The following HDLBP variants were observed in gnomAD, a reference collection of about 807,000 sequenced individuals.
HDLBP encodes high density lipoprotein binding protein.
A neutral mutation model predicts 137.3 loss-of-function variants in HDLBP; 30 were observed. The ratio of observed to expected loss-of-function variants is 0.22; its 90% confidence interval spans 0.16 to 0.30. HDLBP has a LOEUF of 0.30. Ranked by LOEUF, HDLBP falls within the 10% of genes least tolerant of loss-of-function variation. The pLI is 1.00. For missense variants in HDLBP, 1,119 were observed against 1,667.3 expected (o/e 0.67, Z 5.73); for synonymous variants, 606 against 596.0 (o/e 1.02, Z -0.24).
chr2:241,245,387 C>T (rs1009401292), intron 16 of HDLBP, among the ~76,000 whole-genome samples: 2 of 152,138 alleles, frequency 1.3e-5, no homozygotes, highest in Non-Finnish European at 2.9e-5. Flanking sequence ...GGGTTTTGCC[C>T]AGGCTGGTCT....
chr2:241,232,983 A>G (rs1371580417), intron 24 of HDLBP, among the ~76,000 whole-genome samples: 1 of 143,618 alleles, frequency 7.0e-6, no homozygotes, highest in Non-Finnish European at 1.5e-5. Context: ...GCTGGGGAGG[A>G]AGAAGGGGAA....
At chr2:241,315,266 A>C (rs2076008527) in intron 1 of HDLBP, 1 of 151,512 alleles carries the variant, frequency 6.6e-6, no homozygotes, top group Non-Finnish European at 1.5e-5. Context: ...ACGTGCGCGC[A>C]GCCAATCCCA....
At chr2:241,277,268 A>C (rs1380934630) in intron 1 of HDLBP, among the ~76,000 whole-genome samples, 1 of 152,166 alleles carries the variant, frequency 6.6e-6, no homozygotes, top group Non-Finnish European at 1.5e-5. Context: ...AAATAAGCTA[A>C]TCATCCACTA....
chr2:241,314,954 G>A (rs1230036742), intron 1 of HDLBP: 1 of 152,164 alleles, frequency 6.6e-6, no homozygotes, highest in East Asian at 1.9e-4. Flanking sequence ...CACGCGGGAG[G>A]GAGGAAAGGA....
In HDLBP at chr2:241,241,170, A is replaced by G. The variant is rs142858319; in HGVS notation, c.2170-1048T>C. On this transcript the variant is annotated intron_variant, in intron 17 of 27. Coordinates refer to ENST00000310931, the MANE Select transcript of HDLBP (RefSeq NM_005336.6). ...GGTTAAACACAAAGACAAAAACATC[A>G]ATCTAATAACAACAACAAAAAAGAC... is the stretch of plus-strand genomic sequence containing the variant. 3.0e-3 allele frequency among the ~76,000 whole-genome samples: 463 copies of G among 152,240 alleles called. 2 individuals carry two copies. The highest frequency in any genetic ancestry group is 0.011 in the African/African-American group (447 of 41,556).
At chr2:241,295,943 G>A (rs1483883967) in intron 1 of HDLBP, among the ~76,000 whole-genome samples, 2 of 152,074 alleles carry the variant, frequency 1.3e-5, no homozygotes, top group Non-Finnish European at 2.9e-5. Context: ...CCAAAACTGC[G>A]AGAGAATACA....
intron 1 of HDLBP, among the ~76,000 whole-genome samples, chr2:241,298,113 C>T (rs1168151792): frequency 7.4e-6 from 1 of 135,114 alleles, no homozygotes; most frequent in Non-Finnish European, 1.5e-5. Flanking sequence ...TGCCTGTAAT[C>T]CTAGCACTTT....
chr2:241,272,358 G>A lies in HDLBP; in HGVS notation c.-102-3817C>T, dbSNP rs1166665564. The A allele has an allele frequency of 3.9e-5, 38 of 984,528 alleles. No homozygotes were observed. The highest frequency in any genetic ancestry group is 4.5e-5 in the Non-Finnish European group (37 of 829,598). 61.0% of individuals were successfully genotyped at this position (984,528 alleles called of 1,614,324 possible). ...GAGGGCCGGCCCCGCCAACGTCAGC[G>A]ACCTGGGCTCAGGTCGGCCGCCCCT... is the stretch of plus-strand genomic sequence containing the variant. On this transcript the variant is annotated intron_variant, in intron 1 of 27. Coordinates refer to ENST00000310931, the MANE Select transcript of HDLBP (RefSeq NM_005336.6). The surrounding 1 kb of genome is among the most constrained non-coding windows in gnomAD (Gnocchi z 5.6).
chr2:241,250,283 G>T (rs993921874), intron 11 of HDLBP: 2 of 251,962 alleles, frequency 7.9e-6, no homozygotes, highest in Non-Finnish European at 1.5e-5. Flanking sequence ...TAGCTCGTCT[G>T]GGGTATTGGC....
intron 1 of HDLBP, among the ~76,000 whole-genome samples, chr2:241,312,571 C>G (rs551172598): frequency 1.3e-5 from 2 of 152,190 alleles, no homozygotes; most frequent in African/African-American, 4.8e-5. Context: ...AACCTTTACA[C>G]GCATTTTGGA....
At chr2:241,282,598 T>C (rs547356878) in intron 1 of HDLBP, among the ~76,000 whole-genome samples, 4 of 152,242 alleles carry the variant, frequency 2.6e-5, no homozygotes, top group Admixed American at 2.0e-4. Flanking sequence ...TGCAGGTCTT[T>C]CCATGCCTCT....
In HDLBP at chr2:241,256,816, G is replaced by A; in HGVS notation, c.451-10C>T. The A allele has an allele frequency of 6.2e-7, 1 of 1,607,920 alleles. No homozygotes were observed. The highest frequency in any genetic ancestry group is 1.1e-5 in the South Asian group (1 of 90,950). On this transcript the variant is annotated splice_polypyrimidine_tract_variant and intron_variant, in intron 5 of 27. Coordinates refer to ENST00000310931, the MANE Select transcript of HDLBP (RefSeq NM_005336.6). ...CAACAGTTGCTGAGGCCTATAGCAA[G>A]AAGAGAATAAAAGAAAACAAGAATA...
intron 1 of HDLBP, among the ~76,000 whole-genome samples, chr2:241,286,946 CA>C (rs34791807): frequency 1.1e-3 from 138 of 128,118 alleles, no homozygotes; most frequent in African/African-American, 1.3e-3. Flanking sequence ...ACCCTGTTTC[CA>C]AAAAAAAAAA....
At chr2:241,241,737 A>G (rs2071258449) in intron 17 of HDLBP, among the ~76,000 whole-genome samples, 1 of 152,168 alleles carries the variant, frequency 6.6e-6, no homozygotes, top group Non-Finnish European at 1.5e-5. Context: ...TTACAATAGC[A>G]CTAAAAGAGT....
In HDLBP at chr2:241,229,958, C is replaced by T. The variant is rs1350547252; in HGVS notation, c.3595G>A (p.Ala1199Thr). 1.3e-6 allele frequency: 2 copies of T among 1,596,574 alleles called. No individual in the cohort carries two copies. The highest frequency in any genetic ancestry group is 1.7e-4 in the Middle Eastern group (1 of 5,884). Residue 1199 changes from alanine to threonine, a missense_variant, in exon 27 of 28, where the codon GCT (alanine) becomes ACT (threonine). Physicochemically the swap from Ala to Thr is moderately conservative, Grantham distance 58 (BLOSUM62 0). Around this residue, in one of 4 missense-constraint regions of HDLBP, gnomAD observed 618 missense variants for 816.7 expected, o/e 0.76. Coordinates refer to ENST00000310931, the MANE Select transcript of HDLBP (RefSeq NM_005336.6). ...HILNLEEEYL[A>T]DVVDSEALQV... ...AGCGCCTCACTGTCCACCACGTCAG[C>T]TAGCTGCAGGCAGAAGACAGGAAGA...
chr2:241,267,599 AT>A (rs2073774889), intron 2 of HDLBP: 2 of 1,535,744 alleles, frequency 1.3e-6, no homozygotes, highest in Non-Finnish European at 8.7e-7. Context: ...TACAAAATGC[AT>A]CATGACAGTT....
rs2069300614 is a variant in HDLBP at position 241,228,094 on chromosome 2, G to A, written c.*1507C>T. 1 of 152,378 alleles carries A rather than the reference G, an allele frequency of 6.6e-6. No homozygotes were observed. The highest frequency in any genetic ancestry group is 6.5e-5 in the Admixed American group (1 of 15,310). 9.4% of individuals were successfully genotyped at this position (152,378 alleles called of 1,614,324 possible). On this transcript the variant is annotated 3_prime_UTR_variant, in exon 28 of 28. Coordinates refer to ENST00000310931, the MANE Select transcript of HDLBP (RefSeq NM_005336.6). ...TTCGAGTCTGAAGATGACCAAGCTT[G>A]AGTTATTCAACTGAGAGTGAGGTGT... is the stretch of plus-strand genomic sequence containing the variant.
At chr2:241,245,262 C>CT (rs1421129708) in intron 16 of HDLBP, among the ~76,000 whole-genome samples, 5 of 151,696 alleles carry the variant, frequency 3.3e-5, no homozygotes, top group African/African-American at 1.2e-4. Context: ...CAGCTCACTG[C>CT]AACCTCCACC....
intron 3 of HDLBP, among the ~76,000 whole-genome samples, chr2:241,265,374 C>T (rs142865824): frequency 0.038 from 5,801 of 152,176 alleles, 399 homozygotes; most frequent in African/African-American, 0.13. Context: ...GCCAAGACTG[C>T]GCCATTGCAC....
Sources: gnomAD v4.1 joint callset for allele counts (sites outside exome capture counted in the v4.1 genomes callset) on GRCh38, gnomAD v4.1.1 for gene constraint, gnomAD v4.1.1 regional missense constraint, Gnocchi (gnomAD v3.1) non-coding constraint, MANE v1.5 for transcripts, NCBI Gene and HGNC (gene_info 2026-07-23, HGNC 2026-07-21) for gene names.